Variants in IL1RAPL2 observed in about 807,000 individuals in gnomAD.
The protein encoded by IL1RAPL2 is X-linked interleukin-1 receptor accessory protein-like 2.
In IL1RAPL2, 3 loss-of-function variants were observed where a neutral mutation model predicts 44.1. The ratio of observed to expected loss-of-function variants is 0.07; its 90% CI spans 0.03 to 0.18. The LOEUF is 0.18. Ranked by LOEUF, IL1RAPL2 falls within the 10% of genes least tolerant of loss-of-function variation. The pLI is 1.00. For synonymous variants in IL1RAPL2, 181 were observed against 178.8 expected, an observed-to-expected ratio of 1.01 and a Z score of -0.10; for missense variants, 391 against 496.4, an observed-to-expected ratio of 0.79 and a Z score of 2.02.
chrX:105,187,871 T>A (rs922131226), intron 2 of IL1RAPL2, among the ~76,000 whole-genome samples: 10 of 111,767 alleles, frequency 8.9e-5, no homozygotes, highest in African/African-American at 3.2e-4. Flanking sequence ...TTAAATGTTA[T>A]CACTACAAAA....
chrX:104,624,888 A>G (rs1263987278), intron 1 of IL1RAPL2, among the ~76,000 whole-genome samples: 4 of 111,598 alleles, frequency 3.6e-5, no homozygotes, highest in Admixed American at 9.6e-5. Flanking sequence ...AAAGATGTTC[A>G]CTAAATATAG....
chrX:105,705,548 T>C (rs1211497286), intron 6 of IL1RAPL2, among the ~76,000 whole-genome samples: 1 of 110,912 alleles, frequency 9.0e-6, no homozygotes, highest in Non-Finnish European at 1.9e-5. Context: ...ACAATTGACT[T>C]TGAGATATTT....
At chrX:105,452,230 T>C (rs1212087346) in intron 5 of IL1RAPL2, among the ~76,000 whole-genome samples, 1 of 111,630 alleles carries the variant, frequency 9.0e-6, no homozygotes, top group Non-Finnish European at 1.9e-5. Context: ...ACCCCTGCAA[T>C]TTTGACCAAT....
intron 2 of IL1RAPL2, among the ~76,000 whole-genome samples, chrX:105,056,859 G>A (rs959238655): frequency 1.8e-5 from 2 of 111,541 alleles, no homozygotes; most frequent in Non-Finnish European, 3.8e-5. Context: ...GGAGGAAAAA[G>A]AGGCTAAACC....
At position 104,673,195 on chromosome X, in the gene IL1RAPL2, T is replaced by C. The variant is rs765876053; in HGVS notation, c.82+14200T>C. Among the ~76,000 whole-genome samples the C allele has an allele frequency of 1.9e-3, 207 of 111,841 alleles. 2 individuals are homozygous for C. Among genetic ancestry groups the C allele is most frequent in the African/African-American group, 6.4e-3 (198 of 30,770 alleles). ...CCCATGCCTATGTCCTGAATGGTAA[T>C]GCCTAGGTTTTCTTCTAGGGTTTTT... On this transcript the variant is annotated intron_variant, in intron 2 of 10. Coordinates refer to ENST00000372582, the MANE Select transcript of IL1RAPL2 (RefSeq NM_017416.2).
rs1225978908 is a variant in IL1RAPL2, at chrX:105,540,840, A to AATAT, written c.772+56456_772+56457insTATA. On this transcript the variant is annotated intron_variant, in intron 6 of 10. Coordinates refer to ENST00000372582, the MANE Select transcript of IL1RAPL2 (RefSeq NM_017416.2). ...TATACATATATTATATATGATATAT[A>AATAT]ATACATACATATATTATATATGATA... is the stretch of plus-strand genomic sequence containing the variant. 1.7e-3 allele frequency among the ~76,000 whole-genome samples: 115 copies of AATAT among 66,275 alleles called. 13 individuals carry two copies. The highest frequency in any genetic ancestry group is 2.3e-3 in the African/African-American group (47 of 20,256). 57.6% of individuals were successfully genotyped at this position (66,275 alleles called of 115,157 possible).
chrX:104,612,267 A>G (rs1288046247), intron 1 of IL1RAPL2, among the ~76,000 whole-genome samples: 1 of 111,930 alleles, frequency 8.9e-6, no homozygotes. Context: ...CCCAAAGCCA[A>G]TGTCCAGAGT....
chrX:105,684,708 G>A (rs2037954971), intron 6 of IL1RAPL2, among the ~76,000 whole-genome samples: 1 of 112,360 alleles, frequency 8.9e-6, no homozygotes, highest in South Asian at 3.7e-4. Context: ...TGAGCTCTGA[G>A]AACGGACAGA....
chrX:105,089,599 T>C (rs893157683), intron 2 of IL1RAPL2, among the ~76,000 whole-genome samples: 2 of 111,628 alleles, frequency 1.8e-5, no homozygotes, highest in African/African-American at 6.5e-5. Flanking sequence ...AGATCCCTGC[T>C]GTCTTTCAAG....
chrX:105,074,267 C>T (rs2032254811), intron 2 of IL1RAPL2, among the ~76,000 whole-genome samples: 1 of 111,547 alleles, frequency 9.0e-6, no homozygotes, highest in Admixed American at 9.6e-5. Context: ...CATGGCTAGC[C>T]CGTTTTCCCA....
At chrX:105,387,975 A>G (rs973292176) in intron 5 of IL1RAPL2, among the ~76,000 whole-genome samples, 3 of 105,086 alleles carry the variant, frequency 2.9e-5, no homozygotes, top group Admixed American at 2.1e-4. Flanking sequence ...ATGGAGAAAC[A>G]CCGTCTCTAC....
intron 2 of IL1RAPL2, among the ~76,000 whole-genome samples, chrX:104,926,930 A>G (rs894360414): frequency 5.4e-5 from 6 of 111,813 alleles, no homozygotes; most frequent in Non-Finnish European, 1.1e-4. Context: ...ACCAAGCTGT[A>G]CTGGACCGGG....
intron 6 of IL1RAPL2, among the ~76,000 whole-genome samples, chrX:105,629,251 G>C (rs1287824403): frequency 9.0e-6 from 1 of 111,444 alleles, no homozygotes; most frequent in Non-Finnish European, 1.9e-5. Flanking sequence ...TTGTATGCCT[G>C]AACTGGCCAA....
chrX:104,596,239 A>T (rs2147998546), intron 1 of IL1RAPL2, among the ~76,000 whole-genome samples: 1 of 111,965 alleles, frequency 8.9e-6, no homozygotes, highest in Non-Finnish European at 1.9e-5. Context: ...ATTTGCCACA[A>T]TTCTAATGTG....
intron 10 of IL1RAPL2, among the ~76,000 whole-genome samples, chrX:105,762,679 T>A (rs953627693): frequency 1.3e-4 from 14 of 111,648 alleles, no homozygotes; most frequent in Non-Finnish European, 2.1e-4. Context: ...CCCCTTTTGG[T>A]CTTTTCTGTC....
intron 5 of IL1RAPL2, among the ~76,000 whole-genome samples, chrX:105,403,822 CA>C (rs1281447174): frequency 9.0e-6 from 1 of 111,338 alleles, no homozygotes; most frequent in Non-Finnish European, 1.9e-5. Flanking sequence ...CCAATTTATC[CA>C]AACCTCCACA....
rs775705448 is a variant in IL1RAPL2, at chrX:104,757,235, T to C, written c.82+98240T>C. 9.0e-5 allele frequency among the ~76,000 whole-genome samples: 10 copies of C among 111,462 alleles called. No individual in the cohort carries two copies. The East Asian group carries it at 2.3e-3, about 25-fold the overall frequency. On this transcript the variant is annotated intron_variant, in intron 2 of 10. Coordinates refer to ENST00000372582, the MANE Select transcript of IL1RAPL2 (RefSeq NM_017416.2). Reference sequence around the variant, plus strand: ...TCTTAAGATTTTCTGACAGACTGAATGTGGGATATGAGAGAACAAAAGGAA... The same window carrying C: ...TCTTAAGATTTTCTGACAGACTGAACGTGGGATATGAGAGAACAAAAGGAA...
chrX:104,990,336 G>A (rs2030638823), intron 2 of IL1RAPL2, among the ~76,000 whole-genome samples: 1 of 111,909 alleles, frequency 8.9e-6, no homozygotes, highest in Admixed American at 9.5e-5. Flanking sequence ...TTCCTCATTT[G>A]TATCATGCAA....
chrX:105,755,528 T>C (rs1439498051), intron 10 of IL1RAPL2, among the ~76,000 whole-genome samples, 181 bp downstream of exon 10: 1 of 111,864 alleles, frequency 8.9e-6, no homozygotes, highest in Admixed American at 9.6e-5. Context: ...TTTAAAGGCA[T>C]TCTCACTAAT....
Sources: gnomAD v4.1 joint callset for allele counts (sites outside exome capture counted in the v4.1 genomes callset) on GRCh38, gnomAD v4.1.1 for gene constraint, MANE v1.5 for transcripts, NCBI Gene and HGNC (gene_info 2026-07-23, HGNC 2026-07-21) for gene names.